COLEC10: variants seen among roughly 807,000 people sequenced by gnomAD.
COLEC10 encodes collectin subfamily member 10.
COLEC10 carries 22 observed loss-of-function variants against 28.4 expected under a neutral mutation model. The observed-to-expected ratio is 0.78, with a 90% CI of 0.55 to 1.11. The LOEUF is 1.11. COLEC10 is among the 50% of genes least tolerant of loss of function. The pLI is 0.00. For synonymous variants in COLEC10, 125 were observed against 116.1 expected (o/e 1.08, Z -0.49); for missense variants, 361 against 344.1 (o/e 1.05, Z -0.39).
At chr8:118,959,921 A>C in the COLEC10 span, among the ~76,000 whole-genome samples, 4 of 152,372 alleles carry the variant, frequency 2.6e-5, 1 homozygote, top group African/African-American at 9.6e-5. Flanking sequence ...AGTGATGCAG[A>C]AAGTCAGAAG....
At chr8:119,064,966 A>G (rs947271930), upstream of COLEC10, among the ~76,000 whole-genome samples, 3 of 152,208 alleles carry the variant, frequency 2.0e-5, no homozygotes, top group South Asian at 4.1e-4. Context: ...CTCAGCCTGT[A>G]TATAATGACT....
At chr8:119,024,529 C>A (rs764324461) in intron 2 of COLEC10, among the ~76,000 whole-genome samples, 1 of 151,642 alleles carries the variant, frequency 6.6e-6, no homozygotes, top group African/African-American at 2.4e-5. Flanking sequence ...CCAACCAACA[C>A]ACAAACACAC....
At position 119,103,751 on chromosome 8, in the gene COLEC10, T is replaced by A. The variant is rs185563786; in HGVS notation, c.347-49T>A. The A allele has an allele frequency of 1.8e-5, 20 of 1,093,512 alleles. No individual in the cohort carries two copies. The East Asian group carries it at 4.3e-4, about 23-fold the overall frequency. The allele number at this position is 1,093,512 out of a possible 1,614,324, so 67.7% of individuals were successfully genotyped here. ...AAAGAGAGCAAATGTTCCTTTCCAC[T>A]GGTCTGCAGGTACTTCAACATGAAT... On this transcript the variant is annotated intron_variant, in intron 4 of 5. Transcript: ENST00000332843.
the COLEC10 span, among the ~76,000 whole-genome samples, chr8:118,957,167 TGACTTA>T: frequency 6.6e-6 from 1 of 152,220 alleles, no homozygotes; most frequent in African/African-American, 2.4e-5. Flanking sequence ...CAGCAAATAT[TGACTTA>T]GTATATACTG....
chr8:118,956,670 A>T, the COLEC10 span, among the ~76,000 whole-genome samples: 1 of 152,218 alleles, frequency 6.6e-6, no homozygotes, highest in Non-Finnish European at 1.5e-5. Flanking sequence ...TACTCATCAG[A>T]TGGCTTCTGA....
the COLEC10 span, among the ~76,000 whole-genome samples, chr8:118,968,211 T>C: frequency 3.3e-5 from 5 of 152,010 alleles, no homozygotes; most frequent in Non-Finnish European, 7.4e-5. Context: ...CTGGGCCTGA[T>C]TCAGATTCAC....
At chr8:119,090,882 C>T (rs1815578298) in intron 2 of COLEC10, among the ~76,000 whole-genome samples, 1 of 152,172 alleles carries the variant, frequency 6.6e-6, no homozygotes, top group South Asian at 2.1e-4. Flanking sequence ...TTTAAACATC[C>T]TCTGCCATAG....
At chr8:119,041,047 C>T (rs552451364) in intron 2 of COLEC10, among the ~76,000 whole-genome samples, 104 of 152,244 alleles carry the variant, frequency 6.8e-4, no homozygotes, top group African/African-American at 2.1e-3. Context: ...AGTTAGTGTG[C>T]CTGGACATAA....
chr8:119,051,207 A>G (rs1411381693), intron 2 of COLEC10, among the ~76,000 whole-genome samples: 3 of 152,248 alleles, frequency 2.0e-5, no homozygotes, highest in Non-Finnish European at 4.4e-5. Context: ...AAATAAAAGC[A>G]TGAATTATAA....
chr8:118,976,301 T>C, the COLEC10 span, among the ~76,000 whole-genome samples: 1 of 152,168 alleles, frequency 6.6e-6, no homozygotes, highest in Non-Finnish European at 1.5e-5. Flanking sequence ...AAAAAGTAAC[T>C]CTTTCTAAGC....
upstream of COLEC10, chr8:119,063,158 T>A (rs1814888950): frequency 6.6e-6 from 1 of 152,206 alleles, no homozygotes; most frequent in East Asian, 1.9e-4. Context: ...GGAGGCATGA[T>A]CATTAAAATG....
chr8:119,088,669 G>T (rs1815530176), intron 1 of COLEC10, among the ~76,000 whole-genome samples: 1 of 152,150 alleles, frequency 6.6e-6, no homozygotes, highest in South Asian at 2.1e-4. Context: ...GCAGGTATCT[G>T]GTCATAATAT....
chr8:118,973,217 T>C, the COLEC10 span, among the ~76,000 whole-genome samples: 2 of 152,064 alleles, frequency 1.3e-5, no homozygotes, highest in Admixed American at 6.6e-5. Context: ...GTTTTAGTTA[T>C]GTATTAATGC....
At chr8:119,095,466 G>T (rs977360731) in intron 3 of COLEC10, among the ~76,000 whole-genome samples, 1 of 152,258 alleles carries the variant, frequency 6.6e-6, no homozygotes, top group South Asian at 2.1e-4. Flanking sequence ...ACTTCGGGGG[G>T]CCGAGGTGGA....
intron 2 of COLEC10, among the ~76,000 whole-genome samples, chr8:119,016,071 G>A (rs1056728334): frequency 5.3e-5 from 8 of 152,040 alleles, no homozygotes; most frequent in Non-Finnish European, 1.5e-5. Flanking sequence ...TACATGTGCA[G>A]AACATGCAGG....
intron 2 of COLEC10, among the ~76,000 whole-genome samples, chr8:119,031,628 A>T (rs1401731993): frequency 6.6e-6 from 1 of 152,216 alleles, no homozygotes; most frequent in African/African-American, 2.4e-5. Flanking sequence ...AGAGCATAGT[A>T]AGTAGGGTGA....
chr8:118,994,514 T>C (rs1219299056), upstream of COLEC10, among the ~76,000 whole-genome samples: 1 of 152,186 alleles, frequency 6.6e-6, no homozygotes, highest in Non-Finnish European at 1.5e-5. Flanking sequence ...CACGTGTATG[T>C]TTAATACTCA....
intron 2 of COLEC10, among the ~76,000 whole-genome samples, chr8:119,038,628 T>C (rs1296267147): frequency 4.6e-5 from 7 of 152,252 alleles, no homozygotes; most frequent in African/African-American, 7.2e-5. Flanking sequence ...TTTGAACTTG[T>C]TTTAGAAATG....
chr8:119,038,514 G>A (rs914110481), intron 2 of COLEC10, among the ~76,000 whole-genome samples: 13 of 152,146 alleles, frequency 8.5e-5, no homozygotes, highest in African/African-American at 3.1e-4. Context: ...TTTAATCTTA[G>A]TACTACATGG....
Sources: allele counts gnomAD v4.1 joint callset (sites outside exome capture counted in the v4.1 genomes callset), GRCh38; gene constraint gnomAD v4.1.1; transcripts MANE v1.5; gene names NCBI Gene and HGNC (gene_info 2026-07-23, HGNC 2026-07-21).